Variants in ADA observed in about 807,000 individuals in gnomAD.
ADA encodes adenosine deaminase, also known as adenosine aminohydrolase.
A neutral mutation model predicts 49.0 loss-of-function variants in ADA; 45 were observed. The observed-to-expected ratio is 0.92, with a 90% CI of 0.72 to 1.18. The LOEUF is 1.18. Ranked by LOEUF, ADA falls within the 50% of genes most tolerant of loss-of-function variation. The pLI is 0.00. For missense variants in ADA, 445 were observed against 472.5 expected (o/e 0.94, Z 0.54); for synonymous variants, 173 against 184.2 (o/e 0.94, Z 0.49).
At chr20:44,638,971 T>C (rs536433201) in intron 1 of ADA, among the ~76,000 whole-genome samples, 15 of 151,958 alleles carry the variant, frequency 9.9e-5, no homozygotes, top group African/African-American at 3.1e-4. Context: ...ACGGGGTATA[T>C]GAAATGGATT....
chr20:44,643,717 G>A (rs750090712), intron 1 of ADA, among the ~76,000 whole-genome samples: 1 of 152,104 alleles, frequency 6.6e-6, no homozygotes, highest in African/African-American at 2.4e-5. Flanking sequence ...GGAATCTCAC[G>A]CCCCTTCCCA....
intron 1 of ADA, among the ~76,000 whole-genome samples, chr20:44,647,407 G>A (rs1362247132): frequency 2.6e-5 from 4 of 152,000 alleles, no homozygotes; most frequent in Admixed American, 6.5e-5. Context: ...TTGCACTCCA[G>A]CCTGGGCAAC....
Position 44,620,322 on chromosome 20 carries a change from C to T in ADA, c.1055G>A (p.Gly352Glu). 6.2e-7 allele frequency: 1 copy of T among 1,614,158 alleles called. No individual in the cohort carries two copies. The highest frequency in any genetic ancestry group is 8.5e-7 in the Non-Finnish European group (1 of 1,180,024). The change falls in exon 11 of 12, where the codon GGG (glycine) becomes GAG (glutamate). Residue 352 changes from glycine (G) to glutamate (E), a missense_variant. Physicochemically the swap from Gly to Glu is moderately conservative, Grantham distance 98. Coordinates refer to ENST00000372874, the MANE Select transcript of ADA (RefSeq NM_000022.4). ...ELLDLLYKAY[G>E]MPPSASAGQN... is the part of the protein sequence containing the mutation. ...ACCTGCAGAGGCTGAAGGTGGCATC[C>T]CATAGGCTTTATAGAGCAGGTCGAG... is the stretch of plus-strand genomic sequence containing the variant.
At chr20:44,625,812 T>C (rs1342253547) in intron 4 of ADA, 128 bp from the exon 5 acceptor site, 2 of 756,446 alleles carry the variant, frequency 2.6e-6, no homozygotes, top group East Asian at 5.4e-5. Flanking sequence ...ACCCACTGCC[T>C]CAGAGGAAAG....
At position 44,622,653 on chromosome 20, in the gene ADA, C is replaced by A; in HGVS notation, c.781-1G>T. 6.2e-7 allele frequency: 1 copy of A among 1,614,234 alleles called. No individual in the cohort carries two copies. On this transcript the variant is annotated splice_acceptor_variant, in intron 8 of 11. Transcript: ENST00000372874. LOFTEE classifies it high-confidence loss of function. ...TGAGGTAGCTGGACCAGGGGCAGAT[C>A]TGGAAGAGCAGGTGTGTGGCTGGCA...
At chr20:44,645,107 G>A (rs1263215822) in intron 1 of ADA, among the ~76,000 whole-genome samples, 2 of 152,146 alleles carry the variant, frequency 1.3e-5, no homozygotes, top group African/African-American at 4.8e-5. Context: ...CAGGGGCCAG[G>A]TGCGGTGGCT....
intron 1 of ADA, among the ~76,000 whole-genome samples, chr20:44,644,639 A>G (rs1195938566): frequency 6.6e-6 from 1 of 152,210 alleles, no homozygotes; most frequent in African/African-American, 2.4e-5. Flanking sequence ...GACTTATGCC[A>G]CTATGGCCTC....
chr20:44,651,635 C>T lies in ADA; in HGVS notation c.-28G>A. On this transcript the variant is annotated 5_prime_UTR_variant, in exon 1 of 12. Coordinates refer to ENST00000372874, the MANE Select transcript of ADA (RefSeq NM_000022.4). Reference sequence around the variant, plus strand: ...TGCCCTCGTGCGCCCCGGCGCTGCTCCCTCCGCCGCCGCTCGGTGGGTCTC... The same window carrying T: ...TGCCCTCGTGCGCCCCGGCGCTGCTTCCTCCGCCGCCGCTCGGTGGGTCTC... 1 of 1,504,794 alleles carries T rather than the reference C, an allele frequency of 6.6e-7. No individual in the cohort carries two copies. The highest frequency in any genetic ancestry group is 1.2e-5 in the South Asian group (1 of 81,308). 93.2% of individuals were successfully genotyped at this position (1,504,794 alleles called of 1,614,324 possible). A position where few individuals can be genotyped will look rare whatever the true frequency, so the allele number is the denominator to read the frequency against.
chr20:44,624,173 G>T (rs1034177785), intron 6 of ADA, 29 bp downstream of exon 6: 1 of 1,591,896 alleles, frequency 6.3e-7, no homozygotes, highest in Non-Finnish European at 8.6e-7. Context: ...CCCAGGGCCA[G>T]CCTCTCCATT....
intron 1 of ADA, among the ~76,000 whole-genome samples, chr20:44,644,279 C>A (rs1256494896): frequency 3.3e-5 from 5 of 152,210 alleles, no homozygotes; most frequent in Non-Finnish European, 7.4e-5. Flanking sequence ...CCTCATGAGC[C>A]GTTTGCTGAG....
intron 2 of ADA, among the ~76,000 whole-genome samples, chr20:44,634,242 C>A (rs566452435): frequency 6.6e-6 from 1 of 152,206 alleles, no homozygotes; most frequent in Non-Finnish European, 1.5e-5. Flanking sequence ...GGCAAGTTGG[C>A]GGCTTGACAT....
chr20:44,636,364 C>T, intron 1 of ADA, 76 bp from the exon 2 acceptor site: 1 of 1,257,510 alleles, frequency 8.0e-7, no homozygotes, highest in Non-Finnish European at 1.1e-6. Context: ...AAGGACCTTT[C>T]AGAGCTTAAT....
At chr20:44,637,260 G>A (rs985022593) in intron 1 of ADA, among the ~76,000 whole-genome samples, 2 of 152,190 alleles carry the variant, frequency 1.3e-5, no homozygotes, top group Non-Finnish European at 2.9e-5. Flanking sequence ...TGTGACCTCA[G>A]ACAAGACACT....
chr20:44,626,359 C>G, intron 4 of ADA, 97 bp downstream of exon 4: 3 of 1,572,112 alleles, frequency 1.9e-6, no homozygotes, highest in Non-Finnish European at 2.6e-6. Context: ...CAAGGTCTTG[C>G]TTGGGTCAGG....
In ADA at chr20:44,623,027, A is replaced by G. The variant is rs2065347979; in HGVS notation, c.658T>C (p.Ser220Pro). ...HRTVHAGEVG[S>P]AEVVKEAVDI... ...CTCACCTCTTTTACTACTTCGGCCG[A>G]GCCCACCTCCCCGGCGTGGACAGTA... The change falls in exon 7 of 12, where the codon TCG (serine) becomes CCG (proline). Residue 220 changes from serine (S) to proline (P), a missense_variant. Physicochemically the swap from Ser to Pro is moderately conservative, Grantham distance 74 (BLOSUM62 -1). Transcript: ENST00000372874. 6.2e-7 allele frequency: 1 copy of G among 1,614,012 alleles called. No individual in the cohort carries two copies. Among genetic ancestry groups the G allele is most frequent in the African/African-American group, 1.3e-5 (1 of 74,906 alleles).
At chr20:44,632,423 G>A (rs766441442) in intron 2 of ADA, among the ~76,000 whole-genome samples, 11 of 152,144 alleles carry the variant, frequency 7.2e-5, no homozygotes, top group Non-Finnish European at 1.2e-4. Context: ...AGCTCCTCTG[G>A]CTGCTGCGTG....
rs532007599 is a variant in ADA, at chr20:44,620,348, A to G, written c.1029T>C (p.Leu343=). 4 of 1,614,164 alleles carry G rather than the reference A, an allele frequency of 2.5e-6. No individual in the cohort carries two copies. The highest frequency in any genetic ancestry group is 2.7e-5 in the African/African-American group (2 of 75,032). The change falls in exon 11 of 12, where the codon CTT becomes CTC. Residue 343 remains leucine, a synonymous_variant. Transcript: ENST00000372874. ...SFLPEDEKRE[L]LDLLYKAYGM... is the part of the protein sequence containing the mutation. Reference sequence around the variant, plus strand: ...CATAGGCTTTATAGAGCAGGTCGAGAAGCTCCCTCTTTTCATCTTCTGGGA... The same window carrying G: ...CATAGGCTTTATAGAGCAGGTCGAGGAGCTCCCTCTTTTCATCTTCTGGGA...
chr20:44,644,247 A>G (rs1021446476), intron 1 of ADA, among the ~76,000 whole-genome samples: 3 of 151,932 alleles, frequency 2.0e-5, no homozygotes, highest in African/African-American at 7.2e-5. Context: ...TTTTGGGTTC[A>G]TGTATGTAAC....
At chr20:44,628,899 G>A (rs1223155534) in intron 3 of ADA, 148 bp downstream of exon 3, 4 of 1,285,880 alleles carry the variant, frequency 3.1e-6, no homozygotes, top group Non-Finnish European at 4.5e-6. Flanking sequence ...TAAAGGCACT[G>A]GAGAGACTCA....
Sources: gnomAD v4.1 joint callset for allele counts (sites outside exome capture counted in the v4.1 genomes callset) on GRCh38, gnomAD v4.1.1 for gene constraint, MANE v1.5 for transcripts, NCBI Gene and HGNC (gene_info 2026-07-23, HGNC 2026-07-21) for gene names.